Variants in LPP observed in about 807,000 individuals in gnomAD.
LPP encodes the protein lipoma-preferred partner.
LPP carries 38 observed loss-of-function variants against 60.4 expected under a neutral mutation model. That is an observed-to-expected ratio of 0.63 (90% confidence interval 0.49 to 0.83). The LOEUF is 0.83. Ranked by LOEUF, LPP falls within the 40% of genes least tolerant of loss-of-function variation. LPP has a pLI of 0.00. For missense variants in LPP, 902 were observed against 783.6 expected (o/e 1.15, Z -1.80); for synonymous variants, 328 against 290.8 (o/e 1.13, Z -1.30).
At chr3:188,714,588 T>A (rs1028519664) in intron 8 of LPP, among the ~76,000 whole-genome samples, 1 of 151,976 alleles carries the variant, frequency 6.6e-6, no homozygotes, top group Non-Finnish European at 1.5e-5. Flanking sequence ...TCAGCTGGGT[T>A]TTTTTTTAAT....
intron 5 of LPP, among the ~76,000 whole-genome samples, 165 bp from the exon 6 acceptor site, chr3:188,524,500 A>C (rs1225960572): frequency 1.3e-5 from 2 of 152,208 alleles, no homozygotes; most frequent in Non-Finnish European, 2.9e-5. Flanking sequence ...ATAAAGTGAT[A>C]ATTCTATCTC....
At chr3:188,350,959 C>G (rs1765674009) in intron 3 of LPP, among the ~76,000 whole-genome samples, 1 of 152,132 alleles carries the variant, frequency 6.6e-6, no homozygotes, top group Admixed American at 6.5e-5. Flanking sequence ...CAGCACGTAC[C>G]CCTTCTCCCA....
intron 6 of LPP, among the ~76,000 whole-genome samples, chr3:188,577,762 T>TTCCTTCCTTCCG (rs1835038648): frequency 1.4e-5 from 2 of 141,846 alleles, no homozygotes; most frequent in South Asian, 4.7e-4. Flanking sequence ...CGTTCCTTCG[T>TTCCTTCCTTCCG]TCCTTCCTTC....
intron 5 of LPP, among the ~76,000 whole-genome samples, chr3:188,492,586 C>G (rs567476473): frequency 1.3e-5 from 2 of 152,108 alleles, no homozygotes; most frequent in Admixed American, 6.5e-5. Flanking sequence ...ATCCCAGCTA[C>G]TCCAGAGGCT....
intron 7 of LPP, among the ~76,000 whole-genome samples, chr3:188,646,822 A>C (rs1406767157): frequency 6.6e-6 from 1 of 152,194 alleles, no homozygotes; most frequent in Non-Finnish European, 1.5e-5. Context: ...TAGATGCATA[A>C]ACCGAACAAA....
chr3:188,625,988 A>G (rs924656313), intron 7 of LPP, among the ~76,000 whole-genome samples: 3 of 152,232 alleles, frequency 2.0e-5, no homozygotes, highest in East Asian at 1.9e-4. Context: ...TTTAGTTAAT[A>G]CTCTCAATAA....
At chr3:188,288,939 T>C (rs1270535898) in intron 2 of LPP, among the ~76,000 whole-genome samples, 1 of 151,486 alleles carries the variant, frequency 6.6e-6, no homozygotes, top group Non-Finnish European at 1.5e-5. Flanking sequence ...GTAGGGAAGA[T>C]AGAGATAAGA....
At chr3:188,621,262 T>G (rs1845753262) in intron 7 of LPP, among the ~76,000 whole-genome samples, 1 of 152,202 alleles carries the variant, frequency 6.6e-6, no homozygotes, top group African/African-American at 2.4e-5. Context: ...ACATGGGTAA[T>G]TGGACCCAGG....
At chr3:188,678,425 T>C (rs1367391040) in intron 7 of LPP, among the ~76,000 whole-genome samples, 1 of 152,250 alleles carries the variant, frequency 6.6e-6, no homozygotes, top group Non-Finnish European at 1.5e-5. Context: ...AATTCTACTG[T>C]AACCTAGCCA....
intron 1 of LPP, among the ~76,000 whole-genome samples, chr3:188,162,004 T>G (rs1042148284): frequency 6.6e-6 from 1 of 152,176 alleles, no homozygotes; most frequent in Non-Finnish European, 1.5e-5. Flanking sequence ...TCTACCATTC[T>G]CCATTAATAT....
At chr3:188,639,211 G>A (rs1044399159) in intron 7 of LPP, among the ~76,000 whole-genome samples, 11 of 152,090 alleles carry the variant, frequency 7.2e-5, no homozygotes, top group Admixed American at 2.0e-4. Flanking sequence ...AAATAACGCC[G>A]CATATCTACA....
intron 1 of LPP, among the ~76,000 whole-genome samples, chr3:188,224,594 A>C (rs751350934): frequency 1.3e-5 from 2 of 152,186 alleles, no homozygotes; most frequent in African/African-American, 4.8e-5. Flanking sequence ...ATGGTTCTGC[A>C]GTCTGTATAA....
chr3:188,814,109 A>T, intron 9 of LPP, among the ~76,000 whole-genome samples: 1 of 152,096 alleles, frequency 6.6e-6, no homozygotes, highest in African/African-American at 2.4e-5. Flanking sequence ...AGACCCACAC[A>T]CACATACAGA....
In LPP at chr3:188,334,369, T is replaced by TC. The variant is rs1424776449; in HGVS notation, c.-66-7292dup. 7.2e-5 allele frequency among the ~76,000 whole-genome samples: 11 copies of TC among 151,768 alleles called. No individual in the cohort carries two copies. In the South Asian group the frequency reaches 2.1e-3, roughly 29 times the overall value. ...TCTTATTGAAAATGTTTTTTTTTTT[T>TC]CCTTTGGATATATGACCAGCAGTGG... On this transcript the variant is annotated intron_variant, in intron 2 of 11. Coordinates refer to ENST00000617246, the MANE Select transcript of LPP (RefSeq NM_001375462.1).
intron 7 of LPP, among the ~76,000 whole-genome samples, chr3:188,655,569 C>T (rs1266175140): frequency 6.6e-6 from 1 of 151,978 alleles, no homozygotes; most frequent in Non-Finnish European, 1.5e-5. Context: ...TGATTATCAC[C>T]CCTGGGGATG....
At chr3:188,788,410 C>T (rs1443695410) in intron 9 of LPP, among the ~76,000 whole-genome samples, 3 of 152,208 alleles carry the variant, frequency 2.0e-5, no homozygotes, top group Non-Finnish European at 4.4e-5. Context: ...CAAAAACTCT[C>T]CTCCTTCAGG....
chr3:188,732,698 A>C (rs577042482), intron 8 of LPP, among the ~76,000 whole-genome samples: 1 of 139,666 alleles, frequency 7.2e-6, no homozygotes, highest in East Asian at 2.0e-4. Flanking sequence ...AGCCCTAGCG[A>C]CAGAGTGAGA....
chr3:188,361,764 T>C (rs996276187), intron 3 of LPP, among the ~76,000 whole-genome samples: 8 of 151,940 alleles, frequency 5.3e-5, no homozygotes, highest in African/African-American at 1.9e-4. Flanking sequence ...GATGGGGTTT[T>C]GCCATGTTGG....
At chr3:188,692,815 A>G (rs1328170927) in intron 7 of LPP, among the ~76,000 whole-genome samples, 3 of 152,206 alleles carry the variant, frequency 2.0e-5, no homozygotes, top group African/African-American at 7.2e-5. Flanking sequence ...AAGAGAAACA[A>G]TGTGATCCTT....
Sources: gnomAD v4.1 joint callset for allele counts (sites outside exome capture counted in the v4.1 genomes callset) on GRCh38, gnomAD v4.1.1 for gene constraint, MANE v1.5 for transcripts, NCBI Gene and HGNC (gene_info 2026-07-23, HGNC 2026-07-21) for gene names.